Variants in APP observed in about 807,000 individuals in gnomAD.
APP encodes amyloid beta precursor protein.
In APP, 31 loss-of-function variants were observed where a neutral mutation model predicts 101.4. That is an observed-to-expected ratio of 0.31 (90% CI 0.23 to 0.41). The LOEUF (loss-of-function observed/expected upper bound fraction) is 0.41, where lower values mean the gene tolerates loss of function less well. APP is among the 10% of genes least tolerant of loss of function. The pLI, the probability that APP is intolerant of heterozygous loss-of-function variation, is 1.00. For missense variants in APP, 839 were observed against 1,003.7 expected (o/e 0.84, Z 2.22); for synonymous variants, 366 against 364.4 (o/e 1.00, Z -0.05).
At chr21:26,118,700 G>A (rs143573276) in intron 1 of APP, among the ~76,000 whole-genome samples, 7 of 152,194 alleles carry the variant, frequency 4.6e-5, no homozygotes, top group Non-Finnish European at 1.0e-4. Flanking sequence ...CTACAGGCGT[G>A]CACCACTACG....
chr21:25,938,313 A>T (rs995657975), intron 13 of APP, among the ~76,000 whole-genome samples: 1 of 152,154 alleles, frequency 6.6e-6, no homozygotes, highest in Non-Finnish European at 1.5e-5. Flanking sequence ...TCACATGGCC[A>T]GTTTATAGAT....
rs1054267928 is a variant in APP, at chr21:25,899,451, A to C, written c.1964-1778T>G. On this transcript the variant is annotated intron_variant, in intron 15 of 17. Transcript: ENST00000346798. ...GGTGTATGACTTCTGAGACTGGGCC[A>C]AAAAAGGCACTAAAACTTCCTTAAT... Among the ~76,000 whole-genome samples the C allele has an allele frequency of 4.6e-5, 7 of 152,290 alleles. No individual in the cohort carries two copies. The East Asian group carries it at 1.4e-3, about 29-fold the overall frequency.
chr21:26,072,169 TA>T (rs2061422443), intron 3 of APP, among the ~76,000 whole-genome samples: 1 of 152,250 alleles, frequency 6.6e-6, no homozygotes, highest in African/African-American at 2.4e-5. Flanking sequence ...AGACATCTTT[TA>T]TAACAGTTCT....
chr21:25,939,180 C>T (rs2040474511), intron 13 of APP, among the ~76,000 whole-genome samples: 1 of 152,152 alleles, frequency 6.6e-6, no homozygotes. Flanking sequence ...TTTAATTCCA[C>T]TTTCATGTTC....
chr21:26,052,219 T>C (rs915385734), intron 4 of APP, among the ~76,000 whole-genome samples: 10 of 152,194 alleles, frequency 6.6e-5, no homozygotes, highest in African/African-American at 2.4e-4. Flanking sequence ...ACTATTGATG[T>C]TTTGGACTGC....
chr21:25,948,161 AT>A lies in APP; in HGVS notation c.1687+6428del, dbSNP rs59620258. ...TGACAGCTCTCTATTTGCTGTTATG[AT>A]TTTTTTTTTTTGATGTTCATCCTTG... On this transcript the variant is annotated intron_variant, in intron 13 of 17. Transcript: ENST00000346798. Among the ~76,000 whole-genome samples, 238 of 147,258 alleles carry A rather than the reference AT, an allele frequency of 1.6e-3. 3 individuals are homozygous for A. The highest frequency in any genetic ancestry group is 2.5e-3 in the African/African-American group (102 of 40,414).
At chr21:25,906,444 G>A (rs2038795020) in intron 14 of APP, among the ~76,000 whole-genome samples, 1 of 152,176 alleles carries the variant, frequency 6.6e-6, no homozygotes, top group Non-Finnish European at 1.5e-5. Context: ...TCTAATTATG[G>A]TGAGGAACAA....
chr21:26,142,309 A>G (rs2063063514), intron 1 of APP, among the ~76,000 whole-genome samples: 1 of 152,156 alleles, frequency 6.6e-6, no homozygotes, highest in Non-Finnish European at 1.5e-5. Flanking sequence ...CACAGCCCTC[A>G]CTCGATCTTT....
chr21:26,022,475 C>T (rs1318066494), intron 5 of APP, among the ~76,000 whole-genome samples: 2 of 152,064 alleles, frequency 1.3e-5, no homozygotes, highest in Non-Finnish European at 2.9e-5. Flanking sequence ...CACAAAAAGT[C>T]GCCTCTCATG....
At chr21:26,143,004 T>C (rs983810998) in intron 1 of APP, among the ~76,000 whole-genome samples, 5 of 152,228 alleles carry the variant, frequency 3.3e-5, no homozygotes, top group Non-Finnish European at 5.9e-5. Flanking sequence ...AAATTCAGTA[T>C]TACTTTACTT....
chr21:26,016,116 C>T (rs1601216951), intron 6 of APP, among the ~76,000 whole-genome samples: 2 of 152,124 alleles, frequency 1.3e-5, no homozygotes, highest in South Asian at 2.1e-4. Context: ...CTGCAACCTC[C>T]GCATCCCAGG....
intron 5 of APP, among the ~76,000 whole-genome samples, chr21:26,031,585 G>C (rs1398079506): frequency 6.6e-6 from 1 of 152,008 alleles, no homozygotes; most frequent in Non-Finnish European, 1.5e-5. Flanking sequence ...AAAGGCAAGA[G>C]AAAAATGAGG....
intron 13 of APP, among the ~76,000 whole-genome samples, chr21:25,940,988 C>G (rs909594551): frequency 6.6e-6 from 1 of 152,178 alleles, no homozygotes; most frequent in Admixed American, 6.5e-5. Context: ...AGAACCACAG[C>G]TCTGAAATAT....
intron 3 of APP, among the ~76,000 whole-genome samples, chr21:26,070,300 A>T (rs2046621395): frequency 6.6e-6 from 1 of 152,228 alleles, no homozygotes; most frequent in Non-Finnish European, 1.5e-5. Context: ...TTTGTAAACA[A>T]GGCTTAGTTT....
intron 17 of APP, among the ~76,000 whole-genome samples, chr21:25,891,121 A>C (rs139070977): frequency 1.3e-5 from 2 of 152,314 alleles, no homozygotes; most frequent in African/African-American, 4.8e-5. Context: ...CCTTGAAACT[A>C]AGATATTTCA....
chr21:26,031,204 CAT>C (rs940638575), intron 5 of APP, among the ~76,000 whole-genome samples: 21 of 152,312 alleles, frequency 1.4e-4, no homozygotes, highest in African/African-American at 4.8e-4. Flanking sequence ...TGTCCATACA[CAT>C]GAGAACTACT....
At chr21:26,157,737 C>A (rs1569044259) in intron 1 of APP, among the ~76,000 whole-genome samples, 1 of 152,250 alleles carries the variant, frequency 6.6e-6, no homozygotes, top group Non-Finnish European at 1.5e-5. Flanking sequence ...AAATGGCAGT[C>A]CCATTCTTAC....
At chr21:26,022,140 G>T in intron 5 of APP, 98 bp from the exon 6 acceptor site, 1 of 1,379,210 alleles carries the variant, frequency 7.3e-7, no homozygotes, top group Non-Finnish European at 1.0e-6. Context: ...AATTTGAGAA[G>T]AAACACACCC....
intron 1 of APP, among the ~76,000 whole-genome samples, chr21:26,161,777 G>C (rs1435332110): frequency 6.6e-6 from 1 of 152,152 alleles, no homozygotes; most frequent in Non-Finnish European, 1.5e-5. Context: ...GCAATTGAGA[G>C]CATCAGGATG....
Sources: allele counts gnomAD v4.1 joint callset (sites outside exome capture counted in the v4.1 genomes callset), GRCh38; gene constraint gnomAD v4.1.1; transcripts MANE v1.5; gene names NCBI Gene and HGNC (gene_info 2026-07-23, HGNC 2026-07-21).